The following CYP2B6 variants were observed in gnomAD, a reference collection of about 807,000 sequenced individuals.
CYP2B6 encodes the protein cytochrome P450 family 2 subfamily B member 6.
Under a neutral mutation model 43.4 loss-of-function variants are expected in CYP2B6, and 35 were observed. That is an observed-to-expected ratio of 0.81 (90% CI 0.62 to 1.07). The LOEUF (loss-of-function observed/expected upper bound fraction) is 1.07, where lower values mean the gene tolerates loss of function less well. Among genes scored for constraint, CYP2B6 ranks in the 50% least tolerant of loss-of-function variants. The pLI, the probability that CYP2B6 is intolerant of heterozygous loss-of-function variation, is 0.00. For synonymous variants in CYP2B6, 239 were observed against 239.2 expected, an observed-to-expected ratio of 1.00 and a Z score of 0.01; for missense variants, 624 against 632.8, an observed-to-expected ratio of 0.99 and a Z score of 0.15.
chr19:41,012,205 C>A, intron 6 of CYP2B6, 93 bp from the exon 7 acceptor site: 1 of 1,256,020 alleles, frequency 8.0e-7, no homozygotes, highest in Non-Finnish European at 1.1e-6. Context: ...CCACCTCAAC[C>A]TCCAAAATTG....
chr19:40,996,697 G>A (rs6508964), intron 1 of CYP2B6, among the ~76,000 whole-genome samples: 106,038 of 152,018 alleles, frequency 0.7, 38,518 homozygotes, highest in African/African-American at 0.9. Flanking sequence ...CATGGAATAC[G>A]GAGCTTTTAG....
chr19:41,012,889 G>A, intron 8 of CYP2B6, 74 bp downstream of exon 8: 1 of 1,516,506 alleles, frequency 6.6e-7, no homozygotes, highest in East Asian at 2.3e-5. Context: ...AAAACAACGA[G>A]AGATACTGAT....
intron 1 of CYP2B6, among the ~76,000 whole-genome samples, chr19:40,995,920 C>T (rs1363699114): frequency 1.3e-5 from 2 of 152,050 alleles, no homozygotes; most frequent in Non-Finnish European, 2.9e-5. Flanking sequence ...AAGTCTGAGC[C>T]CCGAACAAAG....
chr19:41,010,795 G>C (rs981419850), intron 6 of CYP2B6, among the ~76,000 whole-genome samples: 1 of 151,912 alleles, frequency 6.6e-6, no homozygotes, highest in Non-Finnish European at 1.5e-5. Context: ...CCCCCCTTCT[G>C]CTCCCTCACT....
chr19:40,991,851 T>C (rs1045955965), intron 1 of CYP2B6, among the ~76,000 whole-genome samples: 6 of 152,020 alleles, frequency 3.9e-5, no homozygotes, highest in African/African-American at 1.5e-4. Flanking sequence ...TTGCAGCCTG[T>C]GTGGACTGAA....
At chr19:41,000,285 C>T (rs1171434842) in intron 1 of CYP2B6, among the ~76,000 whole-genome samples, 2 of 152,120 alleles carry the variant, frequency 1.3e-5, no homozygotes, top group East Asian at 1.9e-4. Context: ...ACCTGTGATC[C>T]TGTGGCTGAG....
At chr19:40,998,266 A>G (rs79472458) in intron 1 of CYP2B6, among the ~76,000 whole-genome samples, 2,057 of 152,234 alleles carry the variant, frequency 0.014, 30 homozygotes, top group Non-Finnish European at 0.022. Context: ...GCCTCTGTTA[A>G]CAGAATTTGC....
intron 1 of CYP2B6, among the ~76,000 whole-genome samples, chr19:40,997,206 G>A: frequency 6.6e-6 from 1 of 152,048 alleles, no homozygotes; most frequent in Non-Finnish European, 1.5e-5. Context: ...AGTGTGGGTA[G>A]GGAGTGCTCA....
chr19:41,000,402 A>C (rs775926187), intron 1 of CYP2B6, among the ~76,000 whole-genome samples: 3 of 152,168 alleles, frequency 2.0e-5, no homozygotes, highest in Non-Finnish European at 4.4e-5. Context: ...AACAGGAACA[A>C]ATGAAGGAGT....
intron 1 of CYP2B6, among the ~76,000 whole-genome samples, chr19:40,998,678 G>A (rs1333303124): frequency 7.2e-6 from 1 of 139,496 alleles, no homozygotes; most frequent in Admixed American, 7.4e-5. Context: ...GTGGTGTTTG[G>A]TTTTTTTGTT....
At chr19:41,012,112 C>A (rs1342150843) in intron 6 of CYP2B6, among the ~76,000 whole-genome samples, 186 bp from the exon 7 acceptor site, 1 of 152,070 alleles carries the variant, frequency 6.6e-6, no homozygotes. Context: ...GCACACCCAG[C>A]TAATTTTTTG....
chr19:41,018,128 T>G lies in CYP2B6; in HGVS notation c.*1301T>G, dbSNP rs1399835971. On this transcript the variant is annotated 3_prime_UTR_variant, in exon 9 of 9. Coordinates refer to ENST00000324071, the MANE Select transcript of CYP2B6 (RefSeq NM_000767.5). ...CAAAGTGCTGATATTACAGGCATAA[T>G]ATGTGATCTTTTGTGTCTGGTTGCT... 3 of 152,186 alleles carry G rather than the reference T, an allele frequency of 2.0e-5. No individual in the cohort carries two copies. Among genetic ancestry groups the G allele is most frequent in the Admixed American group, 2.0e-4 (3 of 15,272 alleles). 9.4% of individuals were successfully genotyped at this position (152,186 alleles called of 1,614,324 possible).
chr19:41,010,632 C>T (rs1969269298), intron 6 of CYP2B6, among the ~76,000 whole-genome samples: 1 of 151,952 alleles, frequency 6.6e-6, no homozygotes, highest in Admixed American at 6.6e-5. Context: ...CCAGGATGGT[C>T]TCGATCTCCT....
chr19:41,001,762 G>GACAAGGTCACTTGTCC (rs1969092549), intron 1 of CYP2B6, among the ~76,000 whole-genome samples: 1 of 152,100 alleles, frequency 6.6e-6, no homozygotes, highest in South Asian at 2.1e-4. Flanking sequence ...TGGCATCTTG[G>GACAAGGTCACTTGTCC]ACAAGACATA....
chr19:41,010,341 T>G (rs1453175518), intron 6 of CYP2B6, among the ~76,000 whole-genome samples: 1 of 152,172 alleles, frequency 6.6e-6, no homozygotes, highest in Non-Finnish European at 1.5e-5. Context: ...TCTCCCACTG[T>G]TTTCTTCCAT....
At chr19:40,998,654 A>G (rs928869981) in intron 1 of CYP2B6, among the ~76,000 whole-genome samples, 4 of 132,698 alleles carry the variant, frequency 3.0e-5, no homozygotes, top group African/African-American at 1.1e-4. Context: ...ATTCCCACCT[A>G]TGAGTGAGAA....
chr19:41,004,595 G>A (rs536770196), intron 3 of CYP2B6, 149 bp downstream of exon 3: 4 of 912,406 alleles, frequency 4.4e-6, no homozygotes, highest in Admixed American at 2.0e-5. Context: ...TAGAGACAGA[G>A]AGGGAGAGAG....
At chr19:41,009,906 A>G in intron 5 of CYP2B6, 88 bp from the exon 6 acceptor site, 1 of 1,561,090 alleles carries the variant, frequency 6.4e-7, no homozygotes, top group Non-Finnish European at 8.8e-7. Flanking sequence ...CCTTTAGGCC[A>G]ACGGAGGGCA....
chr19:41,013,121 TG>T lies in CYP2B6; in HGVS notation c.1294+311del, dbSNP rs528483635. 115 of 373,366 alleles carry T rather than the reference TG, an allele frequency of 3.1e-4. 1 individual carries two copies. The highest frequency in any genetic ancestry group is 2.2e-3 in the African/African-American group (105 of 48,362). The allele number at this position is 373,366 out of a possible 1,614,324, so 23.1% of individuals were successfully genotyped here. A position where few individuals can be genotyped will look rare whatever the true frequency, so the allele number is the denominator to read the frequency against. The stretch of plus-strand genomic sequence containing the variant: ...CACCACTGTAAGCCCAGTGCTGTAC[TG>T]GGGGCTGAAGATAATGCATCAAACA... On this transcript the variant is annotated intron_variant, in intron 8 of 8. Transcript: ENST00000324071.
Sources: gnomAD v4.1 joint callset for allele counts (sites outside exome capture counted in the v4.1 genomes callset) on GRCh38, gnomAD v4.1.1 for gene constraint, MANE v1.5 for transcripts, NCBI Gene and HGNC (gene_info 2026-07-23, HGNC 2026-07-21) for gene names.